The following TPRG1 variants were observed in gnomAD, a reference collection of about 807,000 sequenced individuals.
TPRG1 encodes the protein tumor protein p63 regulated 1.
A neutral mutation model predicts 29.3 loss-of-function variants in TPRG1; 29 were observed. The observed-to-expected ratio is 0.99, with a 90% CI of 0.74 to 1.35. TPRG1 has a LOEUF of 1.35. TPRG1 is among the 40% of genes most tolerant of loss of function. The pLI, the probability that TPRG1 is intolerant of heterozygous loss-of-function variation, is 0.00. For missense variants in TPRG1, 327 were observed against 335.0 expected (o/e 0.98, Z 0.19); for synonymous variants, 130 against 116.8 (o/e 1.11, Z -0.73).
rs571538690 is a variant in TPRG1 at position 189,114,301 on chromosome 3, A to G, written c.-743-12756A>G. On this transcript the variant is annotated intron_variant, in intron 1 of 6. Transcript: ENST00000412373. ...TTTGTTTGTTTGTTTGTTTGTTTTA[A>G]GATGGAGTCTCCCTCTTGTCACCCA... Among the ~76,000 whole-genome samples, 11 of 151,098 alleles carry G rather than the reference A, an allele frequency of 7.3e-5. No homozygotes were observed. The East Asian group carries it at 2.1e-3, about 29-fold the overall frequency.
chr3:189,294,056 C>T (rs572415682), intron 4 of TPRG1, among the ~76,000 whole-genome samples: 3 of 152,304 alleles, frequency 2.0e-5, no homozygotes, highest in South Asian at 4.1e-4. Flanking sequence ...ACATTCAACA[C>T]GTACCTTTTC....
intron 5 of TPRG1, among the ~76,000 whole-genome samples, chr3:189,165,334 G>A (rs1164713114): frequency 6.6e-6 from 1 of 151,644 alleles, no homozygotes; most frequent in African/African-American, 2.4e-5. Context: ...TCACCCTACA[G>A]GTTCTTGCCC....
intron 5 of TPRG1, among the ~76,000 whole-genome samples, chr3:189,318,222 T>C (rs577444727): frequency 2.0e-5 from 3 of 152,280 alleles, no homozygotes; most frequent in South Asian, 2.1e-4. Context: ...TTCTCTGCCA[T>C]AGCAAAAGAT....
At chr3:189,060,777 G>T (rs1191149506) in intron 4 of TPRG1, among the ~76,000 whole-genome samples, 1 of 152,120 alleles carries the variant, frequency 6.6e-6, no homozygotes, top group Non-Finnish European at 1.5e-5. Context: ...TTGAAACTCT[G>T]CTCAAAGAAA....
At chr3:189,166,266 A>T (rs974732821) in intron 5 of TPRG1, among the ~76,000 whole-genome samples, 1 of 152,180 alleles carries the variant, frequency 6.6e-6, no homozygotes, top group South Asian at 2.1e-4. Context: ...TATGGTCCAA[A>T]CTCAAGTTTT....
At chr3:189,081,861 CT>C (rs1399745950) in intron 4 of TPRG1, among the ~76,000 whole-genome samples, 7 of 152,040 alleles carry the variant, frequency 4.6e-5, no homozygotes, top group African/African-American at 7.2e-5. Flanking sequence ...ATTGATGAAA[CT>C]TTTTTTTGCA....
intron 4 of TPRG1, among the ~76,000 whole-genome samples, chr3:189,243,720 A>G (rs1014474809): frequency 1.3e-5 from 2 of 152,148 alleles, no homozygotes; most frequent in Non-Finnish European, 2.9e-5. Context: ...TTCTTCCACT[A>G]GATAATCCTA....
At chr3:189,017,637 C>T (rs1713022108) in intron 3 of TPRG1, among the ~76,000 whole-genome samples, 1 of 152,116 alleles carries the variant, frequency 6.6e-6, no homozygotes, top group Non-Finnish European at 1.5e-5. Flanking sequence ...CATTGTTGGA[C>T]ATTTGGGTTG....
chr3:189,238,610 C>T (rs1216770626), intron 3 of TPRG1, 123 bp from the exon 4 acceptor site: 3 of 742,040 alleles, frequency 4.0e-6, no homozygotes, highest in Non-Finnish European at 6.4e-6. Context: ...AGGTATTTCT[C>T]AGCCCCTCTC....
intron 1 of TPRG1, among the ~76,000 whole-genome samples, chr3:189,113,718 T>C (rs1720827327): frequency 6.9e-6 from 1 of 145,740 alleles, no homozygotes; most frequent in Non-Finnish European, 1.5e-5. Flanking sequence ...AATTGAACAA[T>C]GAGAACACAT....
chr3:189,014,096 T>C (rs1484708678), intron 3 of TPRG1, among the ~76,000 whole-genome samples: 1 of 152,208 alleles, frequency 6.6e-6, no homozygotes, highest in African/African-American at 2.4e-5. Context: ...TGTTTCATAG[T>C]GTCACTAGTC....
chr3:189,085,835 G>A (rs193145070), intron 4 of TPRG1, among the ~76,000 whole-genome samples: 43 of 152,294 alleles, frequency 2.8e-4, no homozygotes, highest in African/African-American at 1.0e-3. Context: ...GGATATGGAT[G>A]TATTTCATTC....
chr3:189,176,006 T>C (rs1356688105), intron 1 of TPRG1, among the ~76,000 whole-genome samples: 1 of 152,164 alleles, frequency 6.6e-6, no homozygotes, highest in African/African-American at 2.4e-5. Flanking sequence ...ATAATAAACA[T>C]TACTGAGAAA....
intron 5 of TPRG1, among the ~76,000 whole-genome samples, chr3:189,163,249 G>A (rs1727720632): frequency 1.3e-5 from 2 of 152,062 alleles, no homozygotes; most frequent in African/African-American, 2.4e-5. Context: ...CTGCAGCCTG[G>A]GCGACAAGAG....
intron 3 of TPRG1, among the ~76,000 whole-genome samples, chr3:189,014,238 G>C (rs1052583789): frequency 1.3e-5 from 2 of 152,102 alleles, no homozygotes; most frequent in African/African-American, 2.4e-5. Flanking sequence ...GTCTGAACAG[G>C]ATCTTATTTA....
intron 4 of TPRG1, among the ~76,000 whole-genome samples, chr3:189,273,552 A>G (rs1016712913): frequency 2.0e-5 from 3 of 152,204 alleles, no homozygotes; most frequent in African/African-American, 7.2e-5. Flanking sequence ...TATTGTCCCT[A>G]CGTAACATTG....
At chr3:189,315,782 A>T (rs1278974089) in intron 5 of TPRG1, 1 of 192,784 alleles carries the variant, frequency 5.2e-6, no homozygotes. Context: ...AATATTCTGG[A>T]TTACCAAGAA....
chr3:189,238,937 G>C lies in TPRG1; in HGVS notation c.479+28G>C, dbSNP rs1441304928. 2.6e-6 allele frequency: 4 copies of C among 1,565,754 alleles called. No individual in the cohort carries two copies. In the Admixed American group the frequency reaches 7.1e-5, roughly 28 times the overall value. ...GAGTATATATCTTATACTTGAAGAA[G>C]TGGTGCAGCAGGGATGGACCTGCAG... On this transcript the variant is annotated intron_variant, in intron 4 of 5. Transcript: ENST00000345063.
intron 4 of TPRG1, among the ~76,000 whole-genome samples, chr3:189,264,954 A>G (rs1713795932): frequency 6.6e-6 from 1 of 152,250 alleles, no homozygotes; most frequent in Admixed American, 6.5e-5. Flanking sequence ...ACAGTGCTAG[A>G]TCACCCAGCA....
Sources: allele counts gnomAD v4.1 joint callset (sites outside exome capture counted in the v4.1 genomes callset), GRCh38; gene constraint gnomAD v4.1.1; transcripts MANE v1.5; gene names NCBI Gene and HGNC (gene_info 2026-07-23, HGNC 2026-07-21).